Variants in PSD3 observed in about 807,000 individuals in gnomAD.
The protein encoded by PSD3 is pleckstrin and Sec7 domain containing 3.
In PSD3, 49 loss-of-function variants were observed where a neutral mutation model predicts 105.5. That is an observed-to-expected ratio of 0.46 (90% CI 0.37 to 0.59). The LOEUF is 0.59. PSD3 is among the 20% of genes least tolerant of loss of function. The pLI, the probability that PSD3 is intolerant of heterozygous loss-of-function variation, is 0.00. For synonymous variants in PSD3, 557 were observed against 457.8 expected (o/e 1.22, Z -2.77); for missense variants, 1,561 against 1,263.8 (o/e 1.24, Z -3.57).
chr8:18,836,610 C>G (rs1814129330), intron 4 of PSD3, among the ~76,000 whole-genome samples: 2 of 152,104 alleles, frequency 1.3e-5, no homozygotes, highest in Non-Finnish European at 2.9e-5. Flanking sequence ...GTTCCAGGGT[C>G]CTTTCTGGAT....
At chr8:19,066,073 A>G (rs1829066767) in intron 1 of PSD3, among the ~76,000 whole-genome samples, 1 of 152,244 alleles carries the variant, frequency 6.6e-6, no homozygotes, top group Non-Finnish European at 1.5e-5. Flanking sequence ...TGGTCAAGTC[A>G]TGGCAGCACC....
At chr8:18,554,962 A>G (rs1205836489) in intron 15 of PSD3, among the ~76,000 whole-genome samples, 2 of 152,078 alleles carry the variant, frequency 1.3e-5, no homozygotes, top group African/African-American at 4.8e-5. Context: ...CAGAAATGTG[A>G]CTACCGTAGG....
At chr8:18,792,979 T>C (rs1477675843) in intron 8 of PSD3, among the ~76,000 whole-genome samples, 4 of 152,274 alleles carry the variant, frequency 2.6e-5, no homozygotes, top group Middle Eastern at 3.4e-3. Flanking sequence ...ATATACACCA[T>C]GGAATACTAT....
chr8:19,062,010 T>G (rs938208800), intron 1 of PSD3, among the ~76,000 whole-genome samples: 1 of 152,240 alleles, frequency 6.6e-6, no homozygotes, highest in African/African-American at 2.4e-5. Flanking sequence ...CTGGCTACTT[T>G]GTCCTCCAAG....
At chr8:18,874,872 T>C (rs1020944015) in intron 2 of PSD3, among the ~76,000 whole-genome samples, 1 of 152,238 alleles carries the variant, frequency 6.6e-6, no homozygotes, top group East Asian at 1.9e-4. Context: ...TGAGAGTACA[T>C]GCTGTTTCAT....
At chr8:18,717,938 C>A (rs1162887670) in intron 9 of PSD3, among the ~76,000 whole-genome samples, 1 of 152,192 alleles carries the variant, frequency 6.6e-6, no homozygotes, top group Non-Finnish European at 1.5e-5. Flanking sequence ...AATGCTGAAG[C>A]TGGCTCAGTG....
At chr8:18,828,041 A>ATG (rs1813351574) in intron 4 of PSD3, among the ~76,000 whole-genome samples, 1 of 126,218 alleles carries the variant, frequency 7.9e-6, no homozygotes, top group African/African-American at 3.2e-5. Context: ...TATATAATAT[A>ATG]TATATGTATA....
chr8:18,819,789 G>A (rs1812538149), intron 4 of PSD3, among the ~76,000 whole-genome samples: 1 of 152,022 alleles, frequency 6.6e-6, no homozygotes, highest in Non-Finnish European at 1.5e-5. Flanking sequence ...GTGTTGGCCA[G>A]GATGATCTTG....
chr8:18,703,477 C>A (rs546245929), intron 9 of PSD3, among the ~76,000 whole-genome samples: 29 of 152,314 alleles, frequency 1.9e-4, no homozygotes, highest in African/African-American at 5.8e-4. Flanking sequence ...CAAGCATTTA[C>A]TTTTCAAGGA....
rs369427482 is a variant in PSD3 at position 18,732,675 on chromosome 8, G to A, written c.2172+32774C>T. ...ACTGCCAGGCCTCTTAAGGCCTGCC[G>A]TTACAACAGCACCACTTCTGCCACA... On this transcript the variant is annotated intron_variant, in intron 9 of 15. Coordinates refer to ENST00000327040, the MANE Select transcript of PSD3 (RefSeq NM_015310.4). Among the ~76,000 whole-genome samples the A allele has an allele frequency of 5.8e-4, 88 of 152,284 alleles. 2 individuals carry two copies. In the East Asian group the frequency reaches 8.9e-3, roughly 15 times the overall value.
At chr8:18,885,986 AC>A (rs2129459106) in intron 2 of PSD3, among the ~76,000 whole-genome samples, 1 of 152,268 alleles carries the variant, frequency 6.6e-6, no homozygotes, top group African/African-American at 2.4e-5. Context: ...CTATTCAGAT[AC>A]TAAGCTGTAC....
intron 15 of PSD3, among the ~76,000 whole-genome samples, chr8:18,542,487 T>G (rs1800208017): frequency 6.6e-6 from 1 of 152,244 alleles, no homozygotes; most frequent in South Asian, 2.1e-4. Context: ...ATATCTTCGC[T>G]TTGATAATTT....
intron 9 of PSD3, among the ~76,000 whole-genome samples, chr8:18,666,679 C>T (rs1471884103): frequency 6.7e-6 from 1 of 148,386 alleles, no homozygotes; most frequent in African/African-American, 2.5e-5. Flanking sequence ...CAGCTGTAGC[C>T]TGATTTCAAC....
intron 2 of PSD3, among the ~76,000 whole-genome samples, chr8:18,881,733 G>A (rs1818117436): frequency 6.6e-6 from 1 of 152,074 alleles, no homozygotes; most frequent in Non-Finnish European, 1.5e-5. Context: ...TTAGTAAAAG[G>A]TTTTTGTTTT....
intron 11 of PSD3, among the ~76,000 whole-genome samples, chr8:18,610,838 A>G (rs1443320709): frequency 6.6e-6 from 1 of 152,132 alleles, no homozygotes; most frequent in East Asian, 1.9e-4. Flanking sequence ...GCCAGAAAGT[A>G]TCATAAACTG....
In PSD3 at chr8:18,528,426, T is replaced by A. The variant is rs1323391202; in HGVS notation, c.*7317A>T. On this transcript the variant is annotated 3_prime_UTR_variant, in exon 16 of 16. Coordinates refer to ENST00000327040, the MANE Select transcript of PSD3 (RefSeq NM_015310.4). ...CAGAGAATCTTTGTCATGACGTTTG[T>A]TCATGTGCCACGCTCAGTGACTCAG... 2.6e-5 allele frequency: 4 copies of A among 152,220 alleles called. No individual in the cohort carries two copies. Among genetic ancestry groups the A allele is most frequent in the African/African-American group, 9.6e-5 (4 of 41,454 alleles). 9.4% of individuals were successfully genotyped at this position (152,220 alleles called of 1,614,324 possible).
intron 15 of PSD3, among the ~76,000 whole-genome samples, chr8:18,538,684 T>C (rs571132351): frequency 1.3e-5 from 2 of 152,210 alleles, no homozygotes; most frequent in Admixed American, 6.5e-5. Context: ...GGAGAAAAGA[T>C]GATAGGGACA....
At chr8:18,759,738 C>T (rs527625832) in intron 9 of PSD3, among the ~76,000 whole-genome samples, 2 of 151,516 alleles carry the variant, frequency 1.3e-5, no homozygotes, top group East Asian at 2.0e-4. Flanking sequence ...AATTATGGGA[C>T]GGCCAATAAC....
rs74859870 is a variant in PSD3, at chr8:18,635,447, T to C, written c.2217-2641A>G. ...AATATACAACCATTGTCTTGTAAAATTATAATGCAGCCAAAAAAAATCCCA... is the reference window on the plus strand; with the variant it reads ...AATATACAACCATTGTCTTGTAAAACTATAATGCAGCCAAAAAAAATCCCA... On this transcript the variant is annotated intron_variant, in intron 10 of 15. Coordinates refer to ENST00000327040, the MANE Select transcript of PSD3 (RefSeq NM_015310.4). Among the ~76,000 whole-genome samples the C allele has an allele frequency of 7.2e-5, 11 of 152,178 alleles. No individual in the cohort carries two copies. In the East Asian group the frequency reaches 2.1e-3, roughly 29 times the overall value.
Sources: allele counts gnomAD v4.1 joint callset (sites outside exome capture counted in the v4.1 genomes callset), GRCh38; gene constraint gnomAD v4.1.1; transcripts MANE v1.5; gene names NCBI Gene and HGNC (gene_info 2026-07-23, HGNC 2026-07-21).